The following FSTL5 variants were observed in gnomAD, a reference collection of about 807,000 sequenced individuals.
FSTL5 encodes the protein follistatin like 5.
Under a neutral mutation model 89.1 loss-of-function variants are expected in FSTL5, and 62 were observed. That is an observed-to-expected ratio of 0.70 (90% CI 0.57 to 0.86). The LOEUF (loss-of-function observed/expected upper bound fraction) is 0.86. Ranked by LOEUF, FSTL5 falls within the 40% of genes least tolerant of loss-of-function variation. FSTL5 has a pLI of 0.00. For missense variants in FSTL5, 1,057 were observed against 1,001.6 expected (o/e 1.06, Z -0.75); for synonymous variants, 383 against 346.2 (o/e 1.11, Z -1.18).
chr4:161,607,915 T>C (rs907166844), intron 7 of FSTL5, among the ~76,000 whole-genome samples: 4 of 152,190 alleles, frequency 2.6e-5, no homozygotes, highest in African/African-American at 9.6e-5. Context: ...CCATCAATAC[T>C]GTGCTTCTTA....
intron 7 of FSTL5, among the ~76,000 whole-genome samples, chr4:161,600,087 A>G (rs1349358774): frequency 2.0e-5 from 3 of 151,138 alleles, no homozygotes; most frequent in African/African-American, 7.3e-5. Context: ...TCTACATTTC[A>G]TGCTCTGAAA....
intron 2 of FSTL5, among the ~76,000 whole-genome samples, chr4:162,068,726 T>C (rs1370240291): frequency 1.3e-5 from 2 of 152,084 alleles, no homozygotes; most frequent in African/African-American, 4.8e-5. Context: ...AAAGAGCTTA[T>C]GTACAGCAAA....
intron 1 of FSTL5, among the ~76,000 whole-genome samples, chr4:162,130,401 G>A (rs1732253575): frequency 1.3e-5 from 2 of 152,186 alleles, no homozygotes; most frequent in South Asian, 4.1e-4. Context: ...TCCTACGCAA[G>A]TGATTAGAAA....
intron 4 of FSTL5, among the ~76,000 whole-genome samples, chr4:161,869,198 AAAAT>A (rs1732186063): frequency 6.6e-6 from 1 of 152,206 alleles, no homozygotes; most frequent in African/African-American, 2.4e-5. Context: ...CTCCGTCTCA[AAAAT>A]AAATAAATAA....
intron 13 of FSTL5, among the ~76,000 whole-genome samples, chr4:161,478,282 C>A (rs1170670370): frequency 6.6e-6 from 1 of 152,036 alleles, no homozygotes; most frequent in African/African-American, 2.4e-5. Context: ...TATAAATCAT[C>A]ACTAACACCA....
intron 6 of FSTL5, among the ~76,000 whole-genome samples, chr4:161,744,736 A>G (rs1000158341): frequency 3.3e-5 from 5 of 152,130 alleles, no homozygotes; most frequent in Non-Finnish European, 7.4e-5. Context: ...AAAATTGTTC[A>G]GAAACCTTTT....
chr4:161,731,502 T>C (rs1376249073), intron 6 of FSTL5, among the ~76,000 whole-genome samples: 2 of 152,078 alleles, frequency 1.3e-5, no homozygotes, highest in Non-Finnish European at 2.9e-5. Flanking sequence ...TCTCCTGCTC[T>C]GCCTTGGTAA....
At chr4:161,909,442 T>A (rs899284045) in intron 4 of FSTL5, among the ~76,000 whole-genome samples, 1 of 152,104 alleles carries the variant, frequency 6.6e-6, no homozygotes, top group Non-Finnish European at 1.5e-5. Context: ...ACCGTGGAAG[T>A]CTATTGTCAC....
intron 6 of FSTL5, among the ~76,000 whole-genome samples, chr4:161,717,421 C>T (rs1295773542): frequency 6.6e-6 from 1 of 152,120 alleles, no homozygotes; most frequent in African/African-American, 2.4e-5. Flanking sequence ...TGGGCTTTAG[C>T]AACTCTGGGG....
At chr4:161,423,883 G>A (rs1034450225) in intron 15 of FSTL5, among the ~76,000 whole-genome samples, 2 of 150,638 alleles carry the variant, frequency 1.3e-5, no homozygotes, top group East Asian at 1.9e-4. Flanking sequence ...TTTTTGAGAT[G>A]GAGTCTCACT....
intron 4 of FSTL5, among the ~76,000 whole-genome samples, chr4:161,878,328 G>T (rs892556628): frequency 6.6e-6 from 1 of 152,066 alleles, no homozygotes; most frequent in African/African-American, 2.4e-5. Flanking sequence ...GAATAATAAT[G>T]AATATGCATA....
intron 3 of FSTL5, among the ~76,000 whole-genome samples, chr4:161,981,945 C>T (rs114088639): frequency 6.6e-6 from 1 of 152,140 alleles, no homozygotes; most frequent in Non-Finnish European, 1.5e-5. Context: ...AATCCAAGTT[C>T]TCTTCTGTTA....
At chr4:162,156,513 T>C (rs544501175) in intron 1 of FSTL5, among the ~76,000 whole-genome samples, 1 of 152,172 alleles carries the variant, frequency 6.6e-6, no homozygotes, top group South Asian at 2.1e-4. Flanking sequence ...CAATGGTAGA[T>C]TGGATGAAGA....
chr4:161,829,357 A>T (rs1730771363), intron 4 of FSTL5, among the ~76,000 whole-genome samples: 1 of 150,966 alleles, frequency 6.6e-6, no homozygotes, highest in South Asian at 2.1e-4. Context: ...AAATGAAGTA[A>T]TTTTTTTTCA....
At chr4:161,482,653 T>C (rs1305920368) in intron 12 of FSTL5, among the ~76,000 whole-genome samples, 8 of 152,192 alleles carry the variant, frequency 5.3e-5, no homozygotes, top group Admixed American at 1.3e-4. Flanking sequence ...AGTAACCACA[T>C]TGAACAACTA....
intron 6 of FSTL5, among the ~76,000 whole-genome samples, chr4:161,751,473 C>A (rs1385872980): frequency 4.6e-5 from 7 of 152,170 alleles, no homozygotes; most frequent in Admixed American, 2.6e-4. Context: ...CAGGGGATAG[C>A]TATGAACTCT....
chr4:161,651,778 AT>A (rs776981270), intron 7 of FSTL5, among the ~76,000 whole-genome samples: 8 of 152,220 alleles, frequency 5.3e-5, no homozygotes, highest in Non-Finnish European at 8.8e-5. Context: ...ATTAATTGGA[AT>A]CCAGATGGTT....
intron 4 of FSTL5, among the ~76,000 whole-genome samples, chr4:161,817,566 T>C (rs1036348776): frequency 2.0e-5 from 3 of 152,222 alleles, no homozygotes; most frequent in Non-Finnish European, 4.4e-5. Context: ...ATTCTCATTT[T>C]TGCCAAACTA....
chr4:162,153,137 T>C lies in FSTL5; in HGVS notation c.-17+10478A>G, dbSNP rs561620432. On this transcript the variant is annotated intron_variant, in intron 1 of 15. Transcript: ENST00000306100. Reference sequence around the variant, plus strand: ...AGTAGATGTTCAGTATTCAACATTCTTCCACCCTAAATGTATTGACTTCTT... The same window carrying C: ...AGTAGATGTTCAGTATTCAACATTCCTCCACCCTAAATGTATTGACTTCTT... Among the ~76,000 whole-genome samples, 63 of 152,256 alleles carry C rather than the reference T, an allele frequency of 4.1e-4. 1 individual carries two copies. The highest frequency in any genetic ancestry group is 1.4e-3 in the African/African-American group (60 of 41,562).
Sources: allele counts gnomAD v4.1 joint callset (sites outside exome capture counted in the v4.1 genomes callset), GRCh38; gene constraint gnomAD v4.1.1; transcripts MANE v1.5; gene names NCBI Gene and HGNC (gene_info 2026-07-23, HGNC 2026-07-21).